Variants in NBEA observed in about 807,000 individuals in gnomAD.
The protein encoded by NBEA is neurobeachin.
In NBEA, 44 loss-of-function variants were observed where a neutral mutation model predicts 343.4. The ratio of observed to expected loss-of-function variants is 0.13; its 90% CI spans 0.10 to 0.16. The LOEUF is 0.16. NBEA is among the 10% of genes least tolerant of loss of function. The pLI is 1.00. For synonymous variants in NBEA, 1,175 were observed against 1,238.7 expected, an observed-to-expected ratio of 0.95 and a Z score of 1.08; for missense variants, 2,555 against 3,631.3, an observed-to-expected ratio of 0.70 and a Z score of 7.62.
chr13:34,988,715 A>G (rs2060647275), intron 1 of NBEA, among the ~76,000 whole-genome samples: 2 of 150,850 alleles, frequency 1.3e-5, no homozygotes, highest in South Asian at 4.2e-4. Context: ...GTATTTGGTG[A>G]TACTTCTTGT....
At chr13:35,474,954 A>T in intron 41 of NBEA, 1 of 1,226,786 alleles carries the variant, frequency 8.2e-7, no homozygotes, top group Non-Finnish European at 1.1e-6. Flanking sequence ...TTAAAGGAAG[A>T]GATTGTTTGC....
chr13:35,269,284 T>C (rs1320603265), intron 34 of NBEA, among the ~76,000 whole-genome samples: 1 of 152,110 alleles, frequency 6.6e-6, no homozygotes, highest in East Asian at 1.9e-4. Flanking sequence ...TACCTAGTCA[T>C]AATAAAATCT....
At chr13:35,200,446 T>C (rs1471719690) in intron 31 of NBEA, among the ~76,000 whole-genome samples, 4 of 104,804 alleles carry the variant, frequency 3.8e-5, no homozygotes, top group African/African-American at 1.3e-4. Flanking sequence ...CCCACTTAGT[T>C]TGAACAAAAG....
At chr13:35,549,770 C>A (rs1423588787) in intron 41 of NBEA, among the ~76,000 whole-genome samples, 2 of 152,192 alleles carry the variant, frequency 1.3e-5, no homozygotes, top group African/African-American at 4.8e-5. Flanking sequence ...GGCCTAATGT[C>A]CTTCCACAAA....
At chr13:35,153,625 G>A (rs2068944398) in intron 18 of NBEA, among the ~76,000 whole-genome samples, 1 of 152,124 alleles carries the variant, frequency 6.6e-6, no homozygotes, top group Admixed American at 6.5e-5. Flanking sequence ...AATCTTCCTA[G>A]CAGTTTTATT....
At chr13:35,275,865 G>T (rs548168594) in intron 34 of NBEA, among the ~76,000 whole-genome samples, 2 of 152,188 alleles carry the variant, frequency 1.3e-5, no homozygotes, top group South Asian at 4.1e-4. Flanking sequence ...ACAGATCCTG[G>T]GGGGAGGGAT....
intron 1 of NBEA, among the ~76,000 whole-genome samples, chr13:34,983,406 C>T (rs1008349277): frequency 2.0e-5 from 3 of 152,166 alleles, no homozygotes; most frequent in Non-Finnish European, 2.9e-5. Context: ...GCCATATTTT[C>T]TTAATCCAGT....
At chr13:35,661,152 A>G (rs1302123190) in intron 55 of NBEA, among the ~76,000 whole-genome samples, 2 of 152,196 alleles carry the variant, frequency 1.3e-5, no homozygotes, top group Non-Finnish European at 2.9e-5. Flanking sequence ...ATTGGAAGCA[A>G]TATATACAGA....
intron 1 of NBEA, among the ~76,000 whole-genome samples, chr13:34,974,186 A>T (rs1364986779): frequency 6.6e-6 from 1 of 151,892 alleles, no homozygotes; most frequent in Non-Finnish European, 1.5e-5. Flanking sequence ...TTATGGGTTG[A>T]GTTGCTTTCC....
intron 41 of NBEA, among the ~76,000 whole-genome samples, chr13:35,513,302 A>AT (rs754363500): frequency 0.15 from 10,560 of 72,224 alleles, 1,712 homozygotes; most frequent in Non-Finnish European, 0.18. Flanking sequence ...ACACCTGGCA[A>AT]TTTTTTTTTT....
intron 36 of NBEA, among the ~76,000 whole-genome samples, chr13:35,344,724 A>C (rs902010623): frequency 5.5e-5 from 7 of 127,002 alleles, no homozygotes; most frequent in African/African-American, 2.5e-4. Flanking sequence ...CAAAACCCTA[A>C]ATAGTTCTTT....
intron 34 of NBEA, among the ~76,000 whole-genome samples, chr13:35,259,770 C>T (rs755770153): frequency 6.0e-4 from 92 of 152,212 alleles, no homozygotes; most frequent in Admixed American, 1.4e-3. Context: ...GATCTCATAA[C>T]TTTCAAAAAG....
At chr13:35,448,048 T>C (rs1371029134) in intron 39 of NBEA, among the ~76,000 whole-genome samples, 1 of 152,206 alleles carries the variant, frequency 6.6e-6, no homozygotes, top group East Asian at 1.9e-4. Context: ...AAATGTTTGG[T>C]GCAGTACCAT....
intron 55 of NBEA, among the ~76,000 whole-genome samples, chr13:35,660,252 C>G (rs2085021414): frequency 1.3e-5 from 2 of 152,170 alleles, no homozygotes; most frequent in African/African-American, 4.8e-5. Flanking sequence ...GGGACTTCAG[C>G]TCAAAAGCCA....
chr13:35,168,880 ATATAT>A, intron 24 of NBEA, 102 bp from the exon 25 acceptor site: 1 of 709,384 alleles, frequency 1.4e-6, no homozygotes, highest in Non-Finnish European at 2.0e-6. Context: ...TAATTTTTAA[ATATAT>A]TATTTTGTGT....
At chr13:35,447,500 A>G (rs2046107180) in intron 39 of NBEA, among the ~76,000 whole-genome samples, 1 of 151,922 alleles carries the variant, frequency 6.6e-6, no homozygotes, top group African/African-American at 2.4e-5. Context: ...TTATATATAT[A>G]TATATTTACT....
chr13:35,195,081 C>T (rs995494337), intron 30 of NBEA, among the ~76,000 whole-genome samples: 1 of 151,802 alleles, frequency 6.6e-6, no homozygotes, highest in Non-Finnish European at 1.5e-5. Flanking sequence ...AAATGATCTT[C>T]GATTATCTTG....
intron 44 of NBEA, among the ~76,000 whole-genome samples, chr13:35,563,379 C>G (rs1159099026): frequency 6.6e-6 from 1 of 151,730 alleles, no homozygotes; most frequent in Non-Finnish European, 1.5e-5. Flanking sequence ...ATTTAATGAA[C>G]AGTATTTTTT....
chr13:35,285,288 T>A (rs1283854238), intron 34 of NBEA, among the ~76,000 whole-genome samples: 2 of 152,092 alleles, frequency 1.3e-5, no homozygotes, highest in African/African-American at 4.8e-5. Context: ...AATTATCCAC[T>A]GTACTCCAGC....
Sources: gnomAD v4.1 joint callset for allele counts (sites outside exome capture counted in the v4.1 genomes callset) on GRCh38, gnomAD v4.1.1 for gene constraint, MANE v1.5 for transcripts, NCBI Gene and HGNC (gene_info 2026-07-23, HGNC 2026-07-21) for gene names.